LUZP2: variants seen among roughly 807,000 people sequenced by gnomAD.
LUZP2 encodes the protein leucine zipper protein 2.
Under a neutral mutation model 51.6 loss-of-function variants are expected in LUZP2, and 52 were observed. The observed-to-expected ratio is 1.01, with a 90% confidence interval of 0.81 to 1.27. LUZP2 has a LOEUF of 1.27. Among genes scored for constraint, LUZP2 ranks in the 50% most tolerant of loss-of-function variants. The pLI, the probability that LUZP2 is intolerant of heterozygous loss-of-function variation, is 0.00. For missense variants in LUZP2, 436 were observed against 395.4 expected (o/e 1.10, Z -0.87); for synonymous variants, 154 against 137.3 (o/e 1.12, Z -0.85).
chr11:24,797,932 G>C (rs1849591197), intron 5 of LUZP2, among the ~76,000 whole-genome samples: 1 of 152,134 alleles, frequency 6.6e-6, no homozygotes, highest in South Asian at 2.1e-4. Flanking sequence ...ATTTGTGAGA[G>C]AAAATAATTA....
At chr11:25,032,856 C>A (rs1027290861) in intron 9 of LUZP2, among the ~76,000 whole-genome samples, 4 of 152,058 alleles carry the variant, frequency 2.6e-5, no homozygotes, top group African/African-American at 9.7e-5. Flanking sequence ...TACTATATAC[C>A]ACTATTTATT....
intron 1 of LUZP2, among the ~76,000 whole-genome samples, chr11:24,657,343 G>A (rs1354516609): frequency 6.6e-6 from 1 of 152,140 alleles, no homozygotes; most frequent in East Asian, 1.9e-4. Flanking sequence ...GAGAAACTGA[G>A]TAAATAGTGT....
intron 5 of LUZP2, among the ~76,000 whole-genome samples, chr11:24,856,564 A>G (rs1851573478): frequency 6.6e-6 from 1 of 152,100 alleles, no homozygotes; most frequent in Non-Finnish European, 1.5e-5. Flanking sequence ...CGATCCAGGT[A>G]CACAACTGTT....
chr11:24,961,682 G>T, intron 7 of LUZP2, among the ~76,000 whole-genome samples: 1 of 152,124 alleles, frequency 6.6e-6, no homozygotes, highest in Non-Finnish European at 1.5e-5. Context: ...GCTCATTGAT[G>T]GGTCTTGACT....
Position 24,803,830 on chromosome 11 carries a change from G to A in LUZP2, c.396+40522G>A, listed in dbSNP as rs750758980. ...AGTGTATGGTAACTTATCAATAAGT[G>A]GCACAATAATTCTATTTATATAAAA... On this transcript the variant is annotated intron_variant, in intron 5 of 11. Coordinates refer to ENST00000336930, the MANE Select transcript of LUZP2 (RefSeq NM_001009909.4). Among the ~76,000 whole-genome samples the A allele has an allele frequency of 1.8e-4, 28 of 152,012 alleles. No individual in the cohort carries two copies. The South Asian group carries it at 4.2e-3, about 23-fold the overall frequency.
rs188664568 is a variant in LUZP2 at position 25,003,189 on chromosome 11, G to A, written c.765+19896G>A. 6.7e-3 allele frequency among the ~76,000 whole-genome samples: 1,022 copies of A among 152,308 alleles called. 5 individuals carry two copies. Among genetic ancestry groups the A allele is most frequent in the Non-Finnish European group, 8.1e-3 (548 of 68,028 alleles). ...GAGGCTTCCAAACTGGTAGCCAAAA[G>A]TAAATCATCCACATACTGAAGGACC... On this transcript the variant is annotated intron_variant, in intron 9 of 11. Transcript: ENST00000336930.
chr11:24,944,631 A>G lies in LUZP2; in HGVS notation c.522+30093A>G, dbSNP rs937915067. 2.0e-5 allele frequency among the ~76,000 whole-genome samples: 3 copies of G among 152,120 alleles called. No individual in the cohort carries two copies. The East Asian group carries it at 5.8e-4, about 29-fold the overall frequency. ...TATTTTGAAGAGAAGTTGAGATTTG[A>G]ACTCAAGATTGGAAGGAGAAGTAGC... On this transcript the variant is annotated intron_variant, in intron 7 of 11. Transcript: ENST00000336930.
rs558261106 is a variant in LUZP2 at position 24,641,709 on chromosome 11, G to A, written c.63-87460G>A. 3.9e-4 allele frequency among the ~76,000 whole-genome samples: 59 copies of A among 151,906 alleles called. 1 individual carries two copies. The South Asian group carries it at 0.012, about 31-fold the overall frequency. ...ACCTTGCTACTTCTAGCTTACAAATGCCATAAGTAGTATCATTCACAATGA... is the reference window on the plus strand; with the variant it reads ...ACCTTGCTACTTCTAGCTTACAAATACCATAAGTAGTATCATTCACAATGA... On this transcript the variant is annotated intron_variant, in intron 1 of 11. Transcript: ENST00000336930.
At chr11:24,922,211 C>G (rs1299094547) in intron 7 of LUZP2, among the ~76,000 whole-genome samples, 2 of 152,060 alleles carry the variant, frequency 1.3e-5, no homozygotes, top group Non-Finnish European at 2.9e-5. Context: ...TGGTGATAGA[C>G]TAGATGCACT....
intron 1 of LUZP2, among the ~76,000 whole-genome samples, chr11:24,631,080 TA>T (rs559425712): frequency 3.3e-4 from 50 of 152,136 alleles, no homozygotes; most frequent in Non-Finnish European, 6.3e-4. Flanking sequence ...TTATTAAATC[TA>T]AAAAGTTTTC....
chr11:24,655,790 C>T (rs1855781188), intron 1 of LUZP2, among the ~76,000 whole-genome samples: 1 of 152,126 alleles, frequency 6.6e-6, no homozygotes, highest in Non-Finnish European at 1.5e-5. Context: ...TTTTTACAAT[C>T]CTTTACTATG....
chr11:25,022,891 T>C (rs563433568), intron 9 of LUZP2, among the ~76,000 whole-genome samples: 75 of 152,130 alleles, frequency 4.9e-4, no homozygotes, highest in Non-Finnish European at 1.0e-3. Flanking sequence ...GCCTTTTCTG[T>C]GTCTATTGAG....
intron 5 of LUZP2, among the ~76,000 whole-genome samples, chr11:24,774,097 A>G (rs950389598): frequency 2.2e-4 from 33 of 151,910 alleles, no homozygotes; most frequent in Non-Finnish European, 4.0e-4. Context: ...GGTGGGCACA[A>G]TCTAATCAGC....
chr11:24,884,056 G>A (rs1380960990), intron 5 of LUZP2, among the ~76,000 whole-genome samples: 1 of 151,996 alleles, frequency 6.6e-6, no homozygotes, highest in Non-Finnish European at 1.5e-5. Context: ...AGATTGGGGT[G>A]AGAATATCTT....
chr11:24,991,347 T>TGA (rs1856329591), intron 9 of LUZP2, among the ~76,000 whole-genome samples: 1 of 85,596 alleles, frequency 1.2e-5, no homozygotes, highest in South Asian at 4.7e-4. Flanking sequence ...TATGTGTGTG[T>TGA]GTGTATATAT....
chr11:24,847,760 C>T (rs1260028625), intron 5 of LUZP2, among the ~76,000 whole-genome samples: 1 of 152,172 alleles, frequency 6.6e-6, no homozygotes, highest in African/African-American at 2.4e-5. Flanking sequence ...CTGTTTTAAT[C>T]ACACTTTGTC....
intron 1 of LUZP2, among the ~76,000 whole-genome samples, chr11:24,529,608 A>C (rs1850932865): frequency 6.6e-6 from 1 of 151,094 alleles, no homozygotes; most frequent in Admixed American, 6.6e-5. Context: ...AAGACATTTA[A>C]ATACCTAATA....
At chr11:24,553,983 G>A (rs967579997) in intron 1 of LUZP2, among the ~76,000 whole-genome samples, 3 of 152,120 alleles carry the variant, frequency 2.0e-5, no homozygotes, top group African/African-American at 7.2e-5. Context: ...TGCAGCCTAC[G>A]TGAGGGCTGG....
chr11:25,055,011 C>CTTT (rs71044332), intron 10 of LUZP2, among the ~76,000 whole-genome samples: 9 of 79,022 alleles, frequency 1.1e-4, no homozygotes, highest in African/African-American at 3.1e-4. Flanking sequence ...TTTTTCTTTT[C>CTTT]TTTTTTTTTT....
Sources: allele counts gnomAD v4.1 joint callset (sites outside exome capture counted in the v4.1 genomes callset), GRCh38; gene constraint gnomAD v4.1.1; transcripts MANE v1.5; gene names NCBI Gene and HGNC (gene_info 2026-07-23, HGNC 2026-07-21).